The following DPYD variants were observed in gnomAD, a reference collection of about 807,000 sequenced individuals.
The protein encoded by DPYD is dihydropyrimidine dehydrogenase.
In DPYD, 109 loss-of-function variants were observed where a neutral mutation model predicts 116.2. That is an observed-to-expected ratio of 0.94 (90% confidence interval 0.80 to 1.10). The LOEUF (loss-of-function observed/expected upper bound fraction) is 1.10, where lower values mean the gene tolerates loss of function less well. Ranked by LOEUF, DPYD falls within the 50% of genes least tolerant of loss-of-function variation. The pLI is 0.00. For missense variants in DPYD, 1,302 were observed against 1,254.5 expected, an observed-to-expected ratio of 1.04 and a Z score of -0.57; for synonymous variants, 440 against 432.0, an observed-to-expected ratio of 1.02 and a Z score of -0.23.
At chr1:97,544,995 G>T (rs1270007828) in intron 12 of DPYD, among the ~76,000 whole-genome samples, 1 of 152,006 alleles carries the variant, frequency 6.6e-6, no homozygotes, top group Non-Finnish European at 1.5e-5. Context: ...CTAGCAGGCT[G>T]CTCAGTAAGA....
At chr1:97,230,077 G>A (rs1434311923) in intron 19 of DPYD, among the ~76,000 whole-genome samples, 2 of 152,054 alleles carry the variant, frequency 1.3e-5, no homozygotes, top group East Asian at 1.9e-4. Context: ...GCTTATGATG[G>A]GGCCTGGCAT....
intron 8 of DPYD, among the ~76,000 whole-genome samples, chr1:97,636,590 T>C (rs1028449618): frequency 2.0e-5 from 3 of 152,164 alleles, no homozygotes; most frequent in African/African-American, 2.4e-5. Context: ...AAAGAGGACA[T>C]GGGCAAATGA....
intron 20 of DPYD, among the ~76,000 whole-genome samples, chr1:97,187,225 A>G (rs1658060628): frequency 6.6e-6 from 1 of 151,974 alleles, no homozygotes; most frequent in East Asian, 1.9e-4. Context: ...TTTTTCCCAC[A>G]TCCTCACCTA....
intron 5 of DPYD, among the ~76,000 whole-genome samples, chr1:97,701,042 A>T (rs952853917): frequency 1.3e-5 from 2 of 150,960 alleles, no homozygotes; most frequent in African/African-American, 4.8e-5. Context: ...AAATTATATT[A>T]AATGTAAATG....
intron 4 of DPYD, among the ~76,000 whole-genome samples, chr1:97,723,325 A>T (rs1663029051): frequency 6.6e-6 from 1 of 151,642 alleles, no homozygotes; most frequent in Non-Finnish European, 1.5e-5. Context: ...TAATTAGCAA[A>T]GGATCATAAA....
chr1:97,536,573 C>G (rs1035782093), intron 12 of DPYD, among the ~76,000 whole-genome samples: 1 of 152,136 alleles, frequency 6.6e-6, no homozygotes, highest in Non-Finnish European at 1.5e-5. Flanking sequence ...TCGATGATGC[C>G]CTTTCTTCAG....
At position 97,724,348 on chromosome 1, in the gene DPYD, GTGTGTGTGTGTGTGTGTA is replaced by G. The variant is rs1557910345; in HGVS notation, c.322-2695_322-2678del. On this transcript the variant is annotated intron_variant, in intron 4 of 22. Transcript: ENST00000370192. Reference sequence around the variant, plus strand: ...TGTGTGTGTGTGTGTGTGTGTGTGTGTGTGTGTGTGTGTGTGTATGAGATTTATTATAGGAAACTGGTA... The same window carrying G: ...TGTGTGTGTGTGTGTGTGTGTGTGTGTGAGATTTATTATAGGAAACTGGTA... Among the ~76,000 whole-genome samples, 161 of 138,128 alleles carry G rather than the reference GTGTGTGTGTGTGTGTGTA, an allele frequency of 1.2e-3. 2 individuals carry two copies. The highest frequency in any genetic ancestry group is 4.1e-3 in the African/African-American group (149 of 36,380). The allele number at this position is 138,128 out of a possible 152,430, so 90.6% of individuals were successfully genotyped here.
chr1:97,889,120 G>A (rs1027356454), intron 1 of DPYD, among the ~76,000 whole-genome samples: 1 of 151,986 alleles, frequency 6.6e-6, no homozygotes, highest in Non-Finnish European at 1.5e-5. Flanking sequence ...TCACGCCACT[G>A]CACTCCAGCC....
chr1:97,824,224 T>C (rs2101463544), intron 3 of DPYD, among the ~76,000 whole-genome samples: 1 of 152,274 alleles, frequency 6.6e-6, no homozygotes, highest in African/African-American at 2.4e-5. Flanking sequence ...CAAATTATAC[T>C]TTTTAGTTTT....
Position 97,235,048 on chromosome 1 carries a change from G to A in DPYD, c.2300-54C>T, listed in dbSNP as rs556823198. 63 of 1,602,526 alleles carry A rather than the reference G, an allele frequency of 3.9e-5. No homozygotes were observed. The South Asian group carries it at 6.5e-4, about 17-fold the overall frequency. The stretch of plus-strand genomic sequence containing the variant: ...AGCACACTGACCACTTGAGTATACT[G>A]TCTTATATTACTTCTATTACTATGA... On this transcript the variant is annotated intron_variant, in intron 18 of 22. Transcript: ENST00000370192.
chr1:97,213,834 T>C (rs1660199356), intron 19 of DPYD, among the ~76,000 whole-genome samples: 2 of 152,158 alleles, frequency 1.3e-5, no homozygotes, highest in African/African-American at 2.4e-5. Context: ...GGGTGATTAA[T>C]GGATCACTGC....
intron 21 of DPYD, among the ~76,000 whole-genome samples, chr1:97,086,995 C>T (rs1649564696): frequency 6.6e-6 from 1 of 152,198 alleles, no homozygotes; most frequent in South Asian, 2.1e-4. Context: ...ATATTCACTT[C>T]TTGCCTAATG....
chr1:97,471,051 T>C (rs776238131), intron 13 of DPYD, among the ~76,000 whole-genome samples: 2 of 151,896 alleles, frequency 1.3e-5, no homozygotes, highest in Non-Finnish European at 2.9e-5. Context: ...TGGGAAAGGA[T>C]TTGAGCTGGA....
rs200562975 is a variant in DPYD at position 97,721,542 on chromosome 1, T to C, written c.451A>G (p.Asn151Asp). ...NLYATEEGPI[N>D]IGGLQQFATE... ...GCAAATTGCTGCAATCCACCAATAT[T>C]AATGGGTCCCTCTTCAGTGGCATAT... Residue 151 changes from asparagine (N) to aspartate (D), a missense_variant, in exon 5 of 23, where the codon AAT becomes GAT. Transcript: ENST00000370192. 4.4e-4 allele frequency: 709 copies of C among 1,611,550 alleles called. 5 individuals carry two copies. The Admixed American group carries it at 1.0e-2, about 23-fold the overall frequency.
intron 13 of DPYD, among the ~76,000 whole-genome samples, chr1:97,498,756 C>G (rs535215215): frequency 6.6e-6 from 1 of 151,764 alleles, no homozygotes; most frequent in Non-Finnish European, 1.5e-5. Context: ...AACCATTTAA[C>G]ATATCACCTC....
chr1:97,325,729 C>A (rs1024044701), intron 16 of DPYD, among the ~76,000 whole-genome samples: 1 of 151,826 alleles, frequency 6.6e-6, no homozygotes, highest in African/African-American at 2.4e-5. Context: ...AGTTTGGAAT[C>A]TTGAGGGATT....
intron 20 of DPYD, among the ~76,000 whole-genome samples, chr1:97,117,223 A>C (rs1048754315): frequency 3.3e-4 from 51 of 152,296 alleles, no homozygotes; most frequent in African/African-American, 1.2e-3. Flanking sequence ...ATGTGCTAAC[A>C]CTACAAAGTT....
intron 3 of DPYD, among the ~76,000 whole-genome samples, chr1:97,821,285 C>G (rs531265788): frequency 6.8e-6 from 1 of 146,184 alleles, no homozygotes; most frequent in East Asian, 2.0e-4. Flanking sequence ...GAGCCGAGAC[C>G]GCAACAATGC....
intron 12 of DPYD, among the ~76,000 whole-genome samples, chr1:97,535,435 G>C (rs1003797007): frequency 1.3e-5 from 2 of 152,078 alleles, no homozygotes; most frequent in African/African-American, 2.4e-5. Context: ...TACTGCAGTG[G>C]TTAATTTCCT....
Sources: allele counts gnomAD v4.1 joint callset (sites outside exome capture counted in the v4.1 genomes callset), GRCh38; gene constraint gnomAD v4.1.1; transcripts MANE v1.5; gene names NCBI Gene and HGNC (gene_info 2026-07-23, HGNC 2026-07-21).